Variants in RNF121 observed in about 807,000 individuals in gnomAD.
RNF121 encodes the protein ring finger protein 121, also known as E3 ubiquitin ligase RNF121.
Under a neutral mutation model 46.5 loss-of-function variants are expected in RNF121, and 21 were observed. The observed-to-expected ratio is 0.45, with a 90% CI of 0.32 to 0.65. The LOEUF is 0.65. Ranked by LOEUF, RNF121 falls within the 30% of genes least tolerant of loss-of-function variation. RNF121 has a pLI of 0.04. For synonymous variants in RNF121, 139 were observed against 144.7 expected (o/e 0.96, Z 0.28); for missense variants, 346 against 416.0 (o/e 0.83, Z 1.46).
chr11:71,982,994 G>C, intron 4 of RNF121, 79 bp downstream of exon 4: 8 of 1,368,966 alleles, frequency 5.8e-6, no homozygotes, highest in Non-Finnish European at 7.7e-6. Context: ...CATAGGTTTA[G>C]ACTGAAAAAA....
intron 4 of RNF121, among the ~76,000 whole-genome samples, chr11:71,986,137 C>T (rs1057208248): frequency 6.6e-6 from 1 of 152,120 alleles, no homozygotes; most frequent in African/African-American, 2.4e-5. Flanking sequence ...TCTTAAGTGC[C>T]TCTCTCCCTT....
At chr11:71,987,900 G>C (rs1954799531) in intron 5 of RNF121, among the ~76,000 whole-genome samples, 1 of 152,224 alleles carries the variant, frequency 6.6e-6, no homozygotes, top group South Asian at 2.1e-4. Flanking sequence ...AAGCCACCTG[G>C]CCTAGGAGCC....
intron 3 of RNF121, among the ~76,000 whole-genome samples, chr11:71,961,238 A>G (rs1308153174): frequency 6.6e-6 from 1 of 152,218 alleles, no homozygotes; most frequent in Non-Finnish European, 1.5e-5. Context: ...CATGAATCTT[A>G]CAGGATCTAG....
intron 8 of RNF121, 28 bp downstream of exon 8, chr11:71,995,579 A>C: frequency 6.5e-7 from 1 of 1,541,702 alleles, no homozygotes; most frequent in Middle Eastern, 1.7e-4. Context: ...CGTTGTTGGG[A>C]GTGGGCTGTG....
chr11:71,932,963 C>T (rs747648455), intron 1 of RNF121, among the ~76,000 whole-genome samples: 1 of 152,142 alleles, frequency 6.6e-6, no homozygotes, highest in South Asian at 2.1e-4. Flanking sequence ...CTAGCCAGCT[C>T]AGCTCAGGTA....
chr11:71,940,705 G>A (rs946657884), intron 1 of RNF121, among the ~76,000 whole-genome samples: 4 of 152,182 alleles, frequency 2.6e-5, no homozygotes, highest in East Asian at 1.9e-4. Context: ...CTGCTCTCAC[G>A]AGATTAATAG....
chr11:71,934,239 C>A (rs1312317442), intron 1 of RNF121, among the ~76,000 whole-genome samples: 1 of 152,246 alleles, frequency 6.6e-6, no homozygotes, highest in Non-Finnish European at 1.5e-5. Flanking sequence ...GTGTGCCAGG[C>A]ACTTTGGTGT....
At chr11:71,991,346 A>G (rs1421368448) in intron 6 of RNF121, among the ~76,000 whole-genome samples, 1 of 152,138 alleles carries the variant, frequency 6.6e-6, no homozygotes, top group Non-Finnish European at 1.5e-5. Context: ...TTCAGTAGAT[A>G]CTTTTTAATG....
At chr11:71,985,881 C>G (rs1954761893) in intron 4 of RNF121, among the ~76,000 whole-genome samples, 1 of 151,624 alleles carries the variant, frequency 6.6e-6, no homozygotes, top group South Asian at 2.1e-4. Flanking sequence ...TCCCTTGAGC[C>G]TAGGAGTTCT....
chr11:71,930,756 A>G (rs917199824), intron 1 of RNF121, among the ~76,000 whole-genome samples: 8 of 152,232 alleles, frequency 5.3e-5, no homozygotes, highest in Admixed American at 1.3e-4. Flanking sequence ...ACAATTACGT[A>G]TATCTCAAAG....
intron 1 of RNF121, among the ~76,000 whole-genome samples, chr11:71,953,961 G>A (rs1953935733): frequency 6.6e-6 from 1 of 152,148 alleles, no homozygotes; most frequent in Non-Finnish European, 1.5e-5. Context: ...TTGGTTTAAT[G>A]TCTTTCAAAT....
At chr11:71,959,833 G>A (rs192731045) in intron 2 of RNF121, among the ~76,000 whole-genome samples, 2 of 151,928 alleles carry the variant, frequency 1.3e-5, no homozygotes, top group East Asian at 1.9e-4. Flanking sequence ...ACGGGGTTTC[G>A]CCATGTTGGC....
At chr11:71,937,631 G>C (rs79074375) in intron 1 of RNF121, among the ~76,000 whole-genome samples, 4,944 of 152,234 alleles carry the variant, frequency 0.032, 77 homozygotes, top group East Asian at 0.078. Context: ...GCCTCTATTG[G>C]AGTGTCCTTC....
chr11:71,967,349 G>GTTTTT lies in RNF121; in HGVS notation c.243+6472_243+6476dup, dbSNP rs770121817. Among the ~76,000 whole-genome samples, 53 of 100,538 alleles carry GTTTTT rather than the reference G, an allele frequency of 5.3e-4. 2 individuals carry two copies. The highest frequency in any genetic ancestry group is 1.7e-3 in the African/African-American group (42 of 24,496). The allele number at this position is 100,538 out of a possible 152,430, so 66.0% of individuals were successfully genotyped here. Reference sequence around the variant, plus strand: ...GGTAATAATTATGTGGGTTTTTTTTGTTTTTTTTTTTTTTTTTTGAGACGG... The same window carrying GTTTTT: ...GGTAATAATTATGTGGGTTTTTTTTGTTTTTTTTTTTTTTTTTTTTTTTGAGACGG... On this transcript the variant is annotated intron_variant, in intron 3 of 8. Transcript: ENST00000361756.
At chr11:71,942,349 G>A (rs1352012965) in intron 1 of RNF121, among the ~76,000 whole-genome samples, 2 of 152,162 alleles carry the variant, frequency 1.3e-5, no homozygotes, top group African/African-American at 4.8e-5. Context: ...CTCAGTGAGA[G>A]GGTTAGGAAG....
chr11:71,994,265 G>A (rs543792466), intron 6 of RNF121, among the ~76,000 whole-genome samples: 2 of 152,192 alleles, frequency 1.3e-5, no homozygotes, highest in Non-Finnish European at 2.9e-5. Context: ...AAATGTCTGA[G>A]AATGCCCTTG....
At chr11:71,945,210 A>G (rs1683481114) in intron 1 of RNF121, among the ~76,000 whole-genome samples, 1 of 152,146 alleles carries the variant, frequency 6.6e-6, no homozygotes, top group South Asian at 2.1e-4. Context: ...TGGGTCTCCC[A>G]ACTCCTGGCC....
intron 5 of RNF121, 82 bp from the exon 6 acceptor site, chr11:71,990,515 C>A: frequency 1.9e-6 from 3 of 1,542,314 alleles, no homozygotes; most frequent in Non-Finnish European, 1.8e-6. Context: ...GCTTTGGGCC[C>A]TGCCTTGTGT....
intron 3 of RNF121, 139 bp from the exon 4 acceptor site, chr11:71,982,622 A>T: frequency 1.2e-6 from 1 of 824,668 alleles, no homozygotes; most frequent in Non-Finnish European, 1.8e-6. Flanking sequence ...GACTTGGATC[A>T]CTAGTGGAGT....
Sources: allele counts gnomAD v4.1 joint callset (sites outside exome capture counted in the v4.1 genomes callset), GRCh38; gene constraint gnomAD v4.1.1; transcripts MANE v1.5; gene names NCBI Gene and HGNC (gene_info 2026-07-23, HGNC 2026-07-21).